PAWR: variants seen among roughly 807,000 people sequenced by gnomAD.
The protein encoded by PAWR is pro-apoptotic WT1 regulator, also known as PRKC apoptosis WT1 regulator protein.
PAWR carries 23 observed loss-of-function variants against 32.0 expected under a neutral mutation model. That is an observed-to-expected ratio of 0.72 (90% CI 0.52 to 1.02). The LOEUF is 1.02. PAWR is among the 50% of genes least tolerant of loss of function. The pLI, the probability that PAWR is intolerant of heterozygous loss-of-function variation, is 0.00. For missense variants in PAWR, 457 were observed against 437.7 expected (o/e 1.04, Z -0.39); for synonymous variants, 226 against 187.1 (o/e 1.21, Z -1.70).
chr12:79,681,220 G>A (rs1268677252), intron 2 of PAWR, among the ~76,000 whole-genome samples: 2 of 151,842 alleles, frequency 1.3e-5, no homozygotes, highest in Middle Eastern at 3.4e-3. Flanking sequence ...TAATCAAAAA[G>A]CCACATAATA....
At chr12:79,649,762 C>T (rs1223875178) in intron 2 of PAWR, among the ~76,000 whole-genome samples, 1 of 152,054 alleles carries the variant, frequency 6.6e-6, no homozygotes, top group African/African-American at 2.4e-5. Context: ...GGGACTCCAG[C>T]CTGGTGACAG....
intron 4 of PAWR, among the ~76,000 whole-genome samples, chr12:79,608,415 T>C (rs1272181080): frequency 2.0e-5 from 3 of 152,066 alleles, no homozygotes; most frequent in African/African-American, 2.4e-5. Flanking sequence ...CAGTTCACAA[T>C]AGGGTTCGCG....
chr12:79,648,287 G>A (rs1358418513), intron 2 of PAWR, among the ~76,000 whole-genome samples: 1 of 152,124 alleles, frequency 6.6e-6, no homozygotes, highest in Non-Finnish European at 1.5e-5. Flanking sequence ...AGAAGGTACT[G>A]TGCCCAGAAA....
rs1234759587 is a variant in PAWR at position 79,587,709 on chromosome 12, C to T, written c.*4898G>A. 1.3e-5 allele frequency: 2 copies of T among 151,788 alleles called. No homozygotes were observed. The highest frequency in any genetic ancestry group is 2.9e-5 in the Non-Finnish European group (2 of 67,840). 9.4% of individuals were successfully genotyped at this position (151,788 alleles called of 1,614,324 possible). A position where few individuals can be genotyped will look rare whatever the true frequency, so the allele number is the denominator to read the frequency against. ...CTGTAAGAGGTACATAATTAGATTA[C>T]CAGCATTATCCTTTAGCTTCAAAAG... On this transcript the variant is annotated 3_prime_UTR_variant, in exon 7 of 7. Coordinates refer to ENST00000328827, the MANE Select transcript of PAWR (RefSeq NM_002583.4).
chr12:79,672,252 G>A (rs1877940174), intron 2 of PAWR, among the ~76,000 whole-genome samples: 1 of 152,040 alleles, frequency 6.6e-6, no homozygotes, highest in Non-Finnish European at 1.5e-5. Flanking sequence ...TACTTCCTCT[G>A]CTTCAACCAA....
At chr12:79,611,399 G>A (rs929910798) in intron 4 of PAWR, among the ~76,000 whole-genome samples, 3 of 150,672 alleles carry the variant, frequency 2.0e-5, no homozygotes, top group Non-Finnish European at 4.4e-5. Context: ...TCTTACATGT[G>A]ATGCCAAATT....
chr12:79,601,139 G>T lies in PAWR; in HGVS notation c.684-4481C>A, dbSNP rs555985438. On this transcript the variant is annotated intron_variant, in intron 4 of 6. Coordinates refer to ENST00000328827, the MANE Select transcript of PAWR (RefSeq NM_002583.4). ...TTGAGAAACAGAAAACTCCAATATG[G>T]CTAAAGCATGGAGTGTAAACATAAG... Among the ~76,000 whole-genome samples, 8 of 151,610 alleles carry T rather than the reference G, an allele frequency of 5.3e-5. No individual in the cohort carries two copies. The East Asian group carries it at 1.4e-3, about 26-fold the overall frequency.
chr12:79,689,786 C>T lies in PAWR; in HGVS notation c.459G>A (p.Lys153=). 6.3e-7 allele frequency: 1 copy of T among 1,593,982 alleles called. No individual in the cohort carries two copies. The highest frequency in any genetic ancestry group is 8.5e-7 in the Non-Finnish European group (1 of 1,171,254). Residue 153 remains lysine (K), a synonymous_variant, in exon 2 of 7, where the codon AAG becomes AAA. Transcript: ENST00000328827. The part of the protein sequence containing the change: ...SARKGKGQIE[K]RKLREKRRST... ...AGCGCCGCTTCTCCCGCAGCTTCCT[C>T]TTCTCGATCTGCCCCTTGCCTTTCC...
chr12:79,650,206 T>C (rs1876773006), intron 2 of PAWR, among the ~76,000 whole-genome samples: 1 of 152,220 alleles, frequency 6.6e-6, no homozygotes, highest in African/African-American at 2.4e-5. Flanking sequence ...AGATCTATAA[T>C]GTATTGGCTA....
chr12:79,600,503 T>C (rs980965935), intron 4 of PAWR, among the ~76,000 whole-genome samples: 3 of 151,946 alleles, frequency 2.0e-5, no homozygotes, highest in African/African-American at 7.3e-5. Flanking sequence ...GATAGGGTCT[T>C]GCACTGTCAC....
At chr12:79,622,268 A>G (rs1592507426) in intron 2 of PAWR, among the ~76,000 whole-genome samples, 1 of 152,204 alleles carries the variant, frequency 6.6e-6, no homozygotes, top group Admixed American at 6.5e-5. Flanking sequence ...AATGGAGGAC[A>G]TGGAAGAAAG....
chr12:79,659,599 C>A (rs1195083452), intron 2 of PAWR, among the ~76,000 whole-genome samples: 5 of 152,018 alleles, frequency 3.3e-5, no homozygotes, highest in Non-Finnish European at 7.4e-5. Flanking sequence ...TTTTCCATGG[C>A]AAATCCCATT....
intron 2 of PAWR, among the ~76,000 whole-genome samples, chr12:79,657,749 G>C (rs112407964): frequency 6.6e-6 from 1 of 151,512 alleles, no homozygotes; most frequent in African/African-American, 2.4e-5. Context: ...AGCCGAGATC[G>C]CGCCACTGCA....
At chr12:79,633,467 C>T (rs940849962) in intron 2 of PAWR, among the ~76,000 whole-genome samples, 5 of 152,118 alleles carry the variant, frequency 3.3e-5, no homozygotes, top group African/African-American at 1.2e-4. Flanking sequence ...ATAAGACTGA[C>T]GATACCAATT....
At chr12:79,688,827 C>G (rs539297201) in intron 2 of PAWR, among the ~76,000 whole-genome samples, 32 of 152,262 alleles carry the variant, frequency 2.1e-4, no homozygotes, top group African/African-American at 6.7e-4. Flanking sequence ...TTAGGTGAAA[C>G]AAGGTAGTTG....
At chr12:79,665,896 T>C (rs1296554424) in intron 2 of PAWR, among the ~76,000 whole-genome samples, 1 of 152,226 alleles carries the variant, frequency 6.6e-6, no homozygotes, top group East Asian at 1.9e-4. Context: ...TTAATAGTAA[T>C]ATATCTCACA....
Position 79,662,453 on chromosome 12 carries a change from C to A in PAWR, c.516+27276G>T, listed in dbSNP as rs544365640. Among the ~76,000 whole-genome samples, 6 of 152,254 alleles carry A rather than the reference C, an allele frequency of 3.9e-5. No individual in the cohort carries two copies. The East Asian group carries it at 7.7e-4, about 20-fold the overall frequency. On this transcript the variant is annotated intron_variant, in intron 2 of 6. Coordinates refer to ENST00000328827, the MANE Select transcript of PAWR (RefSeq NM_002583.4). ...TCCAGAAAAGTCCAGTCTTTTAGTTCTTTGCCTGTGACTTTCTACTGTATT... is the reference window on the plus strand; with the variant it reads ...TCCAGAAAAGTCCAGTCTTTTAGTTATTTGCCTGTGACTTTCTACTGTATT...
chr12:79,612,564 TTTA>T (rs1874489629), intron 4 of PAWR, among the ~76,000 whole-genome samples: 1 of 152,100 alleles, frequency 6.6e-6, no homozygotes, highest in Admixed American at 6.6e-5. Context: ...GTTGACTAGG[TTTA>T]TAACCCCAGA....
In PAWR at chr12:79,590,233, C is replaced by T. The variant is rs1473551111; in HGVS notation, c.*2374G>A. Reference sequence around the variant, plus strand: ...TTTTTTTTGGAGACAGAGTTTCGCTCTTCTTGCCCAGGCTGGAGTACAATG... The same window carrying T: ...TTTTTTTTGGAGACAGAGTTTCGCTTTTCTTGCCCAGGCTGGAGTACAATG... On this transcript the variant is annotated 3_prime_UTR_variant, in exon 7 of 7. Transcript: ENST00000328827. The T allele has an allele frequency of 7.1e-6, 1 of 140,518 alleles. No homozygotes were observed. Among genetic ancestry groups the T allele is most frequent in the Non-Finnish European group, 1.5e-5 (1 of 65,820 alleles). 8.7% of individuals were successfully genotyped at this position (140,518 alleles called of 1,614,324 possible). A position where few individuals can be genotyped will look rare whatever the true frequency, so the allele number is the denominator to read the frequency against.
Sources: gnomAD v4.1 joint callset for allele counts (sites outside exome capture counted in the v4.1 genomes callset) on GRCh38, gnomAD v4.1.1 for gene constraint, MANE v1.5 for transcripts, NCBI Gene and HGNC (gene_info 2026-07-23, HGNC 2026-07-21) for gene names.